BEST1: variants seen among roughly 807,000 people sequenced by gnomAD.
BEST1 encodes bestrophin 1.
BEST1 carries 58 observed loss-of-function variants against 63.3 expected under a neutral mutation model. That is an observed-to-expected ratio of 0.92 (90% CI 0.74 to 1.14). BEST1 has a LOEUF of 1.14. BEST1 is among the 50% of genes most tolerant of loss of function. The pLI, the probability that BEST1 is intolerant of heterozygous loss-of-function variation, is 0.00. For missense variants in BEST1, 671 were observed against 740.1 expected (o/e 0.91, Z 1.08); for synonymous variants, 283 against 291.6 (o/e 0.97, Z 0.30).
chr11:61,958,867 C>G (rs1941694127), intron 7 of BEST1: 1 of 281,402 alleles, frequency 3.6e-6, no homozygotes. Context: ...CCCTTCCTGT[C>G]ACTGTGACAC....
chr11:61,957,030 G>C (rs913644904), intron 5 of BEST1, 32 bp downstream of exon 5: 1 of 1,613,798 alleles, frequency 6.2e-7, no homozygotes, highest in Non-Finnish European at 8.5e-7. Flanking sequence ...GGCTGCCGCA[G>C]AGTGGGAAGG....
intron 1 of BEST1, among the ~76,000 whole-genome samples, chr11:61,951,438 A>C (rs1388317773): frequency 6.6e-6 from 1 of 152,052 alleles, no homozygotes; most frequent in African/African-American, 2.4e-5. Context: ...CGAACTCCTG[A>C]CCTTAGGTGA....
In BEST1 at chr11:61,964,330, CT is replaced by C; in HGVS notation, c.*209del. ...ATTCATAAAAACTGTGAAAGCTAGACTGAACCATTGGAAACATTTAACTCAG... is the reference window on the plus strand; with the variant it reads ...ATTCATAAAAACTGTGAAAGCTAGACGAACCATTGGAAACATTTAACTCAG... On this transcript the variant is annotated 3_prime_UTR_variant, in exon 11 of 11. Transcript: ENST00000378043. 1 of 996,012 alleles carries C rather than the reference CT, an allele frequency of 1.0e-6. No homozygotes were observed. Among genetic ancestry groups the C allele is most frequent in the Non-Finnish European group, 1.4e-6 (1 of 694,290 alleles). 61.7% of individuals were successfully genotyped at this position (996,012 alleles called of 1,614,324 possible). A position where few individuals can be genotyped will look rare whatever the true frequency, so the allele number is the denominator to read the frequency against.
At chr11:61,965,192 G>C, downstream of BEST1, 1 of 1,598,548 alleles carries the variant, frequency 6.3e-7, no homozygotes, top group Non-Finnish European at 8.5e-7. Context: ...ACCACGTTTT[G>C]GCAAAAGGGA....
chr11:61,965,426 C>G (rs775152275), downstream of BEST1: 3 of 1,613,446 alleles, frequency 1.9e-6, no homozygotes, highest in South Asian at 3.3e-5. Flanking sequence ...TCATCAGTTT[C>G]TCAGCATGTT....
chr11:61,957,103 C>T (rs973117160), intron 5 of BEST1, 105 bp downstream of exon 5: 29 of 1,544,570 alleles, frequency 1.9e-5, no homozygotes, highest in South Asian at 1.6e-4. Context: ...GAGGGTCTTC[C>T]GAGAGCCTGA....
intron 1 of BEST1, 140 bp from the exon 2 acceptor site, chr11:61,951,631 G>C: frequency 1.3e-6 from 1 of 794,930 alleles, no homozygotes; most frequent in African/African-American, 1.7e-5. Context: ...GTCAGAACTG[G>C]CAGGGCCTTG....
intron 7 of BEST1, 100 bp from the exon 8 acceptor site, chr11:61,959,398 C>T (rs1941793133): frequency 2.6e-6 from 3 of 1,145,612 alleles, no homozygotes; most frequent in African/African-American, 3.1e-5. Flanking sequence ...GCAGGAAGGG[C>T]GTCATGGGGT....
At chr11:61,962,184 A>G in intron 9 of BEST1, 71 bp from the exon 10 acceptor site, 1 of 1,543,826 alleles carries the variant, frequency 6.5e-7, no homozygotes, top group Non-Finnish European at 8.9e-7. Context: ...GAGCGGGGGT[A>G]AGGGAGAAGT....
upstream of BEST1, chr11:61,949,854 A>C (rs1940485234): frequency 6.6e-6 from 1 of 152,306 alleles, no homozygotes; most frequent in Non-Finnish European, 1.5e-5. Flanking sequence ...GAGGAGCTGA[A>C]ACCTACCCGG....
chr11:61,959,671 G>A lies in BEST1; in HGVS notation c.948+93G>A, dbSNP rs1941835069. 4 of 1,435,744 alleles carry A rather than the reference G, an allele frequency of 2.8e-6. No individual in the cohort carries two copies. The South Asian group carries it at 3.5e-5, about 12-fold the overall frequency. 88.9% of individuals were successfully genotyped at this position (1,435,744 alleles called of 1,614,324 possible). On this transcript the variant is annotated intron_variant, in intron 8 of 10. Transcript: ENST00000378043. ...CTGTTCTGTAGGGAGGCCTCACAGT[G>A]AATGATCAACCCTTCCCCTCCTCCC...
At position 61,959,530 on chromosome 11, in the gene BEST1, G is replaced by A; in HGVS notation, c.900G>A (p.Glu300=). 1 of 1,614,184 alleles carries A rather than the reference G, an allele frequency of 6.2e-7. No homozygotes were observed. Among genetic ancestry groups the A allele is most frequent in the Non-Finnish European group, 8.5e-7 (1 of 1,180,032 alleles). Residue 300 remains glutamate, a synonymous_variant, in exon 8 of 11, where the codon GAG becomes GAA. Coordinates refer to ENST00000378043, the MANE Select transcript of BEST1 (RefSeq NM_004183.4). ...VAEQLINPFG[E]DDDDFETNWI... The stretch of plus-strand genomic sequence containing the variant: ...AGCAGCTCATCAACCCCTTTGGAGA[G>A]GATGATGATGATTTTGAGACCAACT...
intron 5 of BEST1, 37 bp from the exon 6 acceptor site, chr11:61,957,350 G>C (rs1396102606): frequency 2.1e-5 from 33 of 1,587,002 alleles, no homozygotes; most frequent in Non-Finnish European, 2.9e-5. Flanking sequence ...GGGGGCAGGT[G>C]GTGTTCAGAA....
At chr11:61,960,312 A>G in intron 9 of BEST1, 1 of 571,970 alleles carries the variant, frequency 1.7e-6, no homozygotes, top group African/African-American at 1.9e-5. Context: ...TACTCGAAGG[A>G]CAGCCTGTGA....
intron 10 of BEST1, chr11:61,963,166 ATGC>A: frequency 1.4e-6 from 2 of 1,444,670 alleles, no homozygotes; most frequent in Non-Finnish European, 1.8e-6. Context: ...GCTGACCAGA[ATGC>A]TGCTGGAGAA....
chr11:61,958,345 G>A (rs894827773), intron 7 of BEST1, 47 bp downstream of exon 7: 7 of 1,613,732 alleles, frequency 4.3e-6, no homozygotes, highest in Non-Finnish European at 5.9e-6. Flanking sequence ...GGCCAGAGGG[G>A]TCATGGCCAG....
chr11:61,963,836 T>G, intron 10 of BEST1: 1 of 1,287,504 alleles, frequency 7.8e-7, no homozygotes, highest in Non-Finnish European at 9.9e-7. Context: ...AAACCCCATC[T>G]CTACCAAAAA....
At position 61,956,861 on chromosome 11, in the gene BEST1, G is replaced by C; in HGVS notation, c.499G>C (p.Glu167Gln). The C allele has an allele frequency of 6.2e-7, 1 of 1,614,156 alleles. No individual in the cohort carries two copies. Among genetic ancestry groups the C allele is most frequent in the Non-Finnish European group, 8.5e-7 (1 of 1,180,020 alleles). The change falls in exon 5 of 11, where the codon GAA becomes CAA. Residue 167 changes from glutamate to glutamine, a missense_variant. Glu to Gln is a conservative substitution (Grantham distance 29). Transcript: ENST00000378043. ...LVQAGFMTPA[E>Q]HKQLEKLSLP... The stretch of plus-strand genomic sequence containing the variant: ...CTCTGCAGGCTTTATGACTCCGGCA[G>C]AACACAAGCAGTTGGAGAAACTGAG...
chr11:61,956,051 T>TC, intron 4 of BEST1, 100 bp downstream of exon 4: 10 of 1,198,342 alleles, frequency 8.3e-6, no homozygotes, highest in African/African-American at 1.5e-5. Context: ...TCCCCCGGAC[T>TC]CGGGGGATTG....
Sources: allele counts gnomAD v4.1 joint callset (sites outside exome capture counted in the v4.1 genomes callset), GRCh38; gene constraint gnomAD v4.1.1; transcripts MANE v1.5; gene names NCBI Gene and HGNC (gene_info 2026-07-23, HGNC 2026-07-21).